The following RIMS1 variants were observed in gnomAD, a reference collection of about 807,000 sequenced individuals.
RIMS1 encodes the protein regulating synaptic membrane exocytosis 1.
Under a neutral mutation model 214.1 loss-of-function variants are expected in RIMS1, and 83 were observed. That is an observed-to-expected ratio of 0.39 (90% CI 0.32 to 0.47). The LOEUF (loss-of-function observed/expected upper bound fraction) is 0.47, where lower values mean the gene tolerates loss of function less well. Among genes scored for constraint, RIMS1 ranks in the 20% least tolerant of loss-of-function variants. The pLI, the probability that RIMS1 is intolerant of heterozygous loss-of-function variation, is 0.99. For synonymous variants in RIMS1, 793 were observed against 786.8 expected (o/e 1.01, Z -0.13); for missense variants, 2,050 against 2,161.8 (o/e 0.95, Z 1.03).
At chr6:72,334,701 A>C (rs957216018) in intron 29 of RIMS1, among the ~76,000 whole-genome samples, 2 of 151,920 alleles carry the variant, frequency 1.3e-5, no homozygotes, top group Admixed American at 1.3e-4. Context: ...CACAAAATTT[A>C]CTTATACCAA....
At chr6:72,356,528 GCAGGTGGATCACCTGAGGT>G (rs1200933130) in intron 29 of RIMS1, among the ~76,000 whole-genome samples, 1 of 152,104 alleles carries the variant, frequency 6.6e-6, no homozygotes, top group Non-Finnish European at 1.5e-5. Context: ...GGAGTCCGAG[GCAGGTGGATCACCTGAGGT>G]CAGGAGTTCA....
chr6:72,168,017 T>C (rs1191994120), intron 4 of RIMS1, among the ~76,000 whole-genome samples: 2 of 152,202 alleles, frequency 1.3e-5, no homozygotes, highest in Non-Finnish European at 2.9e-5. Context: ...GTATGGATAA[T>C]TTATTGCAGG....
At chr6:72,370,388 A>C (rs2098178425) in intron 29 of RIMS1, among the ~76,000 whole-genome samples, 1 of 152,192 alleles carries the variant, frequency 6.6e-6, no homozygotes, top group Non-Finnish European at 1.5e-5. Context: ...CTTTGCCCCC[A>C]CAGTCATGAA....
chr6:71,905,792 G>A (rs1775088360), intron 1 of RIMS1, among the ~76,000 whole-genome samples: 1 of 151,934 alleles, frequency 6.6e-6, no homozygotes, highest in Non-Finnish European at 1.5e-5. Context: ...CAACAGGGCA[G>A]GCTCCAGGTG....
At chr6:71,931,695 TTGTC>T (rs1783096145) in intron 1 of RIMS1, among the ~76,000 whole-genome samples, 1 of 152,080 alleles carries the variant, frequency 6.6e-6, no homozygotes, top group Non-Finnish European at 1.5e-5. Context: ...ATTCTGTAGT[TTGTC>T]TGTTTACTCT....
intron 2 of RIMS1, among the ~76,000 whole-genome samples, chr6:72,067,367 C>T (rs1829573830): frequency 6.6e-6 from 1 of 152,324 alleles, no homozygotes; most frequent in South Asian, 2.1e-4. Flanking sequence ...GCTTGTTCCT[C>T]CCTCAGTGCC....
intron 31 of RIMS1, among the ~76,000 whole-genome samples, chr6:72,396,014 C>A (rs775131879): frequency 5.3e-5 from 8 of 151,816 alleles, no homozygotes; most frequent in Non-Finnish European, 1.0e-4. Context: ...CAGAGACCCT[C>A]ATGAACCCCA....
At chr6:72,340,837 G>A (rs1316962132) in intron 29 of RIMS1, among the ~76,000 whole-genome samples, 1 of 152,062 alleles carries the variant, frequency 6.6e-6, no homozygotes, top group African/African-American at 2.4e-5. Context: ...TTGGTAGCTT[G>A]ATGGGGATGG....
intron 29 of RIMS1, among the ~76,000 whole-genome samples, chr6:72,363,828 AT>A (rs2097903401): frequency 6.6e-6 from 1 of 152,234 alleles, no homozygotes; most frequent in Admixed American, 6.5e-5. Context: ...TAATTCGGGT[AT>A]TAAAAAGCTC....
intron 6 of RIMS1, among the ~76,000 whole-genome samples, chr6:72,196,236 A>C (rs779620721): frequency 1.3e-5 from 2 of 152,092 alleles, no homozygotes; most frequent in African/African-American, 2.4e-5. Context: ...GCTATTATTT[A>C]TTCATGTAAT....
At chr6:72,295,527 A>G (rs9442763) in intron 26 of RIMS1, among the ~76,000 whole-genome samples, 1,649 of 151,938 alleles carry the variant, frequency 0.011, 34 homozygotes, top group African/African-American at 0.038. Context: ...TTGAAATGAT[A>G]AAAATTTTTG....
chr6:72,027,296 T>C (rs145954840), intron 2 of RIMS1, among the ~76,000 whole-genome samples: 2 of 152,246 alleles, frequency 1.3e-5, no homozygotes, highest in Admixed American at 6.5e-5. Flanking sequence ...AATTGCCAAA[T>C]AGGTCATGTG....
At chr6:72,184,914 GT>G (rs1562523747) in intron 6 of RIMS1, among the ~76,000 whole-genome samples, 1 of 152,160 alleles carries the variant, frequency 6.6e-6, no homozygotes, top group Non-Finnish European at 1.5e-5. Context: ...CCCCCTGAGT[GT>G]TGAAGGGAAA....
intron 29 of RIMS1, among the ~76,000 whole-genome samples, chr6:72,358,111 A>T (rs1471578454): frequency 7.0e-6 from 1 of 143,144 alleles, no homozygotes; most frequent in African/African-American, 2.5e-5. Flanking sequence ...TACTGGATTT[A>T]TATATGAAAT....
At chr6:72,333,944 G>C in intron 29 of RIMS1, 109 bp downstream of exon 29, 1 of 795,146 alleles carries the variant, frequency 1.3e-6, no homozygotes, top group Non-Finnish European at 2.0e-6. Context: ...GTTCTTCTTT[G>C]AAAAGAAAAT....
At chr6:71,898,330 T>C (rs1772505079) in intron 1 of RIMS1, among the ~76,000 whole-genome samples, 2 of 152,174 alleles carry the variant, frequency 1.3e-5, no homozygotes, top group Admixed American at 1.3e-4. Context: ...CTACTGGTTA[T>C]ATTTTTTAAT....
rs2096753738 is a variant in RIMS1, at chr6:72,333,903, T to C, written c.4366+68T>C. 5 of 1,110,884 alleles carry C rather than the reference T, an allele frequency of 4.5e-6. No individual in the cohort carries two copies. The South Asian group carries it at 7.2e-5, about 16-fold the overall frequency. 68.8% of individuals were successfully genotyped at this position (1,110,884 alleles called of 1,614,324 possible). ...GGAGAGAAAAACTTGATCTTCATGC[T>C]ATGGCTTGTGATGGAATTGTGGCAT... On this transcript the variant is annotated intron_variant, in intron 29 of 33. Coordinates refer to ENST00000521978, the MANE Select transcript of RIMS1 (RefSeq NM_014989.7).
chr6:72,088,684 CATGTT>C (rs760668826), intron 2 of RIMS1, among the ~76,000 whole-genome samples: 1 of 152,114 alleles, frequency 6.6e-6, no homozygotes, highest in African/African-American at 2.4e-5. Context: ...ACTTTTCAGA[CATGTT>C]ATAACAGTTA....
At chr6:71,905,093 TC>T (rs934368004) in intron 1 of RIMS1, among the ~76,000 whole-genome samples, 3 of 152,114 alleles carry the variant, frequency 2.0e-5, no homozygotes, top group African/African-American at 7.2e-5. Flanking sequence ...AATTCCCTCC[TC>T]CCATTTAAGC....
Sources: allele counts gnomAD v4.1 joint callset (sites outside exome capture counted in the v4.1 genomes callset), GRCh38; gene constraint gnomAD v4.1.1; transcripts MANE v1.5; gene names NCBI Gene and HGNC (gene_info 2026-07-23, HGNC 2026-07-21).